WDR35: variants seen among roughly 807,000 people sequenced by gnomAD.
The protein encoded by WDR35 is WD repeat-containing protein 35.
In WDR35, 118 loss-of-function variants were observed where a neutral mutation model predicts 158.3. The ratio of observed to expected loss-of-function variants is 0.75; its 90% CI spans 0.64 to 0.87. The LOEUF is 0.87. Among genes scored for constraint, WDR35 ranks in the 40% least tolerant of loss-of-function variants. The probability of loss-of-function intolerance (pLI) is 0.00; values close to 1 mark genes in which losing one functional copy is unlikely to be tolerated. For missense variants in WDR35, 1,263 were observed against 1,405.8 expected, an observed-to-expected ratio of 0.90 and a Z score of 1.62; for synonymous variants, 448 against 476.1, an observed-to-expected ratio of 0.94 and a Z score of 0.77.
intron 25 of WDR35, among the ~76,000 whole-genome samples, chr2:19,925,242 G>C (rs1223929410): frequency 6.6e-6 from 1 of 152,240 alleles, no homozygotes; most frequent in Non-Finnish European, 1.5e-5. Flanking sequence ...ACATACAGGA[G>C]TCATGGATTC....
intron 25 of WDR35, among the ~76,000 whole-genome samples, chr2:19,920,431 C>T (rs569439595): frequency 3.3e-4 from 51 of 152,310 alleles, no homozygotes; most frequent in African/African-American, 1.2e-3. Flanking sequence ...TCAACATACG[C>T]AAATCAATAA....
chr2:19,931,313 T>G lies in WDR35; in HGVS notation c.2920A>C (p.Met974Leu). 1 of 1,613,460 alleles carries G rather than the reference T, an allele frequency of 6.2e-7. No individual in the cohort carries two copies. Among genetic ancestry groups the G allele is most frequent in the Non-Finnish European group, 8.5e-7 (1 of 1,179,718 alleles). ...ACTTTTCCTCGCTGGGCATTCTTCA[T>G]CTGTTCATGGTATTGCTCTATAAGT... is the stretch of plus-strand genomic sequence containing the variant. ...ALLIEQYHEQ[M>L]KNAQRGKVKG... The change falls in exon 24 of 27, where the codon ATG becomes CTG. Residue 974 changes from methionine to leucine, a missense_variant. By Grantham distance (15) the Met-to-Leu change is conservative (BLOSUM62 2). Transcript: ENST00000281405.
chr2:19,989,342 T>G, intron 1 of WDR35, 60 bp from the exon 2 acceptor site: 1 of 1,389,022 alleles, frequency 7.2e-7, no homozygotes, highest in Non-Finnish European at 1.0e-6. Context: ...GAAGTAAGTC[T>G]GCAGGAGATG....
In WDR35 at chr2:19,933,416, G is replaced by A. The variant is rs776211441; in HGVS notation, c.2643C>T (p.Cys881=). 8.7e-6 allele frequency: 14 copies of A among 1,613,254 alleles called. No individual in the cohort carries two copies. Among genetic ancestry groups the A allele is most frequent in the East Asian group, 4.5e-5 (2 of 44,884 alleles). The part of the protein sequence containing the change: ...CSQPKAAVDT[C]VHLNQWNKAV... ...CAGTTCCTACTTGGTTGAGATGTAC[G>A]CAGGTATCTACTGCTGCCTTTGGTT... Residue 881 remains cysteine (C), a synonymous_variant, in exon 22 of 27, where the codon TGC becomes TGT. Transcript: ENST00000281405.
chr2:19,966,896 G>A lies in WDR35; in HGVS notation c.1022C>T (p.Ser341Leu). 1.9e-6 allele frequency: 3 copies of A among 1,613,736 alleles called. No individual in the cohort carries two copies. Among genetic ancestry groups the A allele is most frequent in the Non-Finnish European group, 2.5e-6 (3 of 1,179,848 alleles). The part of the protein sequence containing the change: ...IRPNYKWGYC[S>L]NTVVYAYTRP... ...GGTATATGCATAAACTACAGTGTTT[G>A]AGCAATAACCCCACTAGGAAGAAAG... Residue 341 changes from serine to leucine, a missense_variant, in exon 10 of 27, where the codon TCA becomes TTA. Coordinates refer to ENST00000281405, the MANE Select transcript of WDR35 (RefSeq NM_020779.4).
rs1357116385 is a variant in WDR35 at position 19,966,870 on chromosome 2, T to C, written c.1048A>G (p.Arg350Gly). The C allele has an allele frequency of 1.2e-6, 2 of 1,613,946 alleles. No homozygotes were observed. The highest frequency in any genetic ancestry group is 4.5e-5 in the East Asian group (2 of 44,846). The change falls in exon 10 of 27, where the codon AGA becomes GGA. Residue 350 changes from arginine to glycine, a missense_variant. Arg to Gly is a moderately radical substitution (Grantham distance 125). Coordinates refer to ENST00000281405, the MANE Select transcript of WDR35 (RefSeq NM_020779.4). ...ACACAATATTCTGGACGATCAGGTC[T>C]GGTATATGCATAAACTACAGTGTTT... ...CSNTVVYAYT[R>G]PDRPEYCVVF...
At chr2:19,960,409 G>A in intron 11 of WDR35, 145 bp downstream of exon 11, 1 of 645,330 alleles carries the variant, frequency 1.5e-6, no homozygotes, top group Non-Finnish European at 2.7e-6. Context: ...GATATAAACT[G>A]GTACTGGATC....
intron 8 of WDR35, among the ~76,000 whole-genome samples, chr2:19,970,379 C>T (rs1275285613): frequency 6.6e-6 from 1 of 152,130 alleles, no homozygotes; most frequent in South Asian, 2.1e-4. Context: ...TTACTCCTTT[C>T]CACTCTCTAC....
At chr2:19,947,465 C>T (rs1671095584) in intron 14 of WDR35, among the ~76,000 whole-genome samples, 1 of 152,076 alleles carries the variant, frequency 6.6e-6, no homozygotes, top group Non-Finnish European at 1.5e-5. Context: ...ATGCAATAAC[C>T]CCAGCAGCAT....
intron 11 of WDR35, among the ~76,000 whole-genome samples, chr2:19,957,741 T>A (rs1360063197): frequency 6.6e-6 from 1 of 151,992 alleles, no homozygotes; most frequent in Non-Finnish European, 1.5e-5. Flanking sequence ...TTAGTAGAGA[T>A]GGGGTTTTGC....
At chr2:19,962,484 T>A (rs1396384105) in intron 10 of WDR35, among the ~76,000 whole-genome samples, 1 of 152,136 alleles carries the variant, frequency 6.6e-6, no homozygotes, top group African/African-American at 2.4e-5. Context: ...TTACATCACA[T>A]TGTTTTAAAG....
In WDR35 at chr2:19,938,430, T is replaced by C. The variant is rs529254249; in HGVS notation, c.1927-29A>G. ...AAAGTAAAGATGAAAACAAAAAAATTCAAATATTTGCCGTTAGAGTATGTG... is the reference window on the plus strand; with the variant it reads ...AAAGTAAAGATGAAAACAAAAAAATCCAAATATTTGCCGTTAGAGTATGTG... On this transcript the variant is annotated intron_variant, in intron 17 of 26. Transcript: ENST00000281405. The C allele has an allele frequency of 6.8e-5, 109 of 1,611,440 alleles. 3 individuals carry two copies. The South Asian group carries it at 1.0e-3, about 15-fold the overall frequency.
rs1053942419 is a variant in WDR35, at chr2:19,954,845, T to C, written c.1256-867A>G. On this transcript the variant is annotated intron_variant, in intron 11 of 26. Coordinates refer to ENST00000281405, the MANE Select transcript of WDR35 (RefSeq NM_020779.4). ...AAACATGTCCACACAAAAACTCATA[T>C]GCTGATGTTCATAACAACATTATTT... Among the ~76,000 whole-genome samples the C allele has an allele frequency of 3.9e-5, 6 of 152,352 alleles. No individual in the cohort carries two copies. The East Asian group carries it at 1.2e-3, about 29-fold the overall frequency.
At chr2:19,956,660 G>GC (rs1045498206) in intron 11 of WDR35, among the ~76,000 whole-genome samples, 41 of 134,898 alleles carry the variant, frequency 3.0e-4, no homozygotes, top group African/African-American at 1.0e-3. Context: ...TCGCTCTGTC[G>GC]CCCAGGCTGG....
rs373983961 is a variant in WDR35 at position 19,931,386 on chromosome 2, T to C, written c.2847A>G (p.Lys949=). 4.5e-5 allele frequency: 72 copies of C among 1,613,322 alleles called. No individual in the cohort carries two copies. The highest frequency in any genetic ancestry group is 8.0e-5 in the African/African-American group (6 of 74,910). The part of the protein sequence containing the change: ...MFKIADEEAK[K]GSKPLRVKKL... Reference sequence around the variant, plus strand: ...TCTTGACACGTAAAGGTTTACTTCCTTTCTTTGCCTCTTCATCTGCAATCT... The same window carrying C: ...TCTTGACACGTAAAGGTTTACTTCCCTTCTTTGCCTCTTCATCTGCAATCT... The change falls in exon 24 of 27, where the codon AAA becomes AAG. Residue 949 remains lysine (K), a synonymous_variant. Transcript: ENST00000281405.
intron 14 of WDR35, among the ~76,000 whole-genome samples, 154 bp from the exon 15 acceptor site, chr2:19,946,724 T>C (rs1383772037): frequency 6.6e-6 from 1 of 152,224 alleles, no homozygotes; most frequent in Non-Finnish European, 1.5e-5. Context: ...CTTAAGTACA[T>C]ATTTACCTAC....
intron 2 of WDR35, among the ~76,000 whole-genome samples, chr2:19,986,215 G>A (rs574499962): frequency 3.3e-5 from 5 of 152,322 alleles, no homozygotes; most frequent in Admixed American, 1.3e-4. Flanking sequence ...AGATTTGGAA[G>A]AATATCAAGA....
chr2:19,975,465 A>G (rs1672173858), intron 6 of WDR35, 65 bp downstream of exon 6: 2 of 1,517,964 alleles, frequency 1.3e-6, no homozygotes, highest in Non-Finnish European at 1.8e-6. Context: ...ATATACAAAC[A>G]TGAATGATAT....
intron 25 of WDR35, among the ~76,000 whole-genome samples, chr2:19,915,460 T>C (rs1230650379): frequency 4.0e-5 from 6 of 151,242 alleles, no homozygotes; most frequent in South Asian, 2.1e-4. Flanking sequence ...ATGAGGCATA[T>C]AGAGATCTTC....
Sources: allele counts gnomAD v4.1 joint callset (sites outside exome capture counted in the v4.1 genomes callset), GRCh38; gene constraint gnomAD v4.1.1; transcripts MANE v1.5; gene names NCBI Gene and HGNC (gene_info 2026-07-23, HGNC 2026-07-21).